Variants in SPAG4 observed in about 807,000 individuals in gnomAD.
The protein encoded by SPAG4 is sperm associated antigen 4.
A neutral mutation model predicts 53.9 loss-of-function variants in SPAG4; 54 were observed. The ratio of observed to expected loss-of-function variants is 1.00; its 90% CI spans 0.80 to 1.26. The LOEUF (loss-of-function observed/expected upper bound fraction) is 1.26, where lower values mean the gene tolerates loss of function less well. Ranked by LOEUF, SPAG4 falls within the 50% of genes most tolerant of loss-of-function variation. The probability of loss-of-function intolerance (pLI) is 0.00; values close to 1 mark genes in which losing one functional copy is unlikely to be tolerated. For missense variants in SPAG4, 548 were observed against 568.6 expected (o/e 0.96, Z 0.37); for synonymous variants, 246 against 237.4 (o/e 1.04, Z -0.33).
chr20:35,619,044 G>A (rs770178616), intron 8 of SPAG4, 46 bp downstream of exon 8: 12 of 1,554,734 alleles, frequency 7.7e-6, no homozygotes, highest in African/African-American at 1.4e-5. Context: ...ACAGGAAAGA[G>A]GCCAAGACAC....
chr20:35,618,181 G>A (rs776272195), intron 5 of SPAG4, 51 bp downstream of exon 5: 1 of 1,565,284 alleles, frequency 6.4e-7, no homozygotes, highest in Non-Finnish European at 8.8e-7. Flanking sequence ...TTGTGAACCC[G>A]GAGATTGTGG....
At chr20:35,619,435 A>T in intron 9 of SPAG4, 125 bp downstream of exon 9, 1 of 1,374,526 alleles carries the variant, frequency 7.3e-7, no homozygotes, top group Non-Finnish European at 1.0e-6. Context: ...ACTCAAGGAG[A>T]GACCTGGCAT....
chr20:35,617,174 G>C lies in SPAG4; in HGVS notation c.343G>C (p.Asp115His). 6.3e-7 allele frequency: 1 copy of C among 1,598,226 alleles called. No homozygotes were observed. The highest frequency in any genetic ancestry group is 8.5e-7 in the Non-Finnish European group (1 of 1,172,310). Residue 115 changes from aspartate to histidine, a missense_variant, in exon 2 of 12, where the codon GAC (aspartate) becomes CAC (histidine). Coordinates refer to ENST00000374273, the MANE Select transcript of SPAG4 (RefSeq NM_003116.3). ...GSPVVSEEPL[D>H]LLPTLDLRQE... ...TCCAGTAGTCTCTGAGGAGCCGCTCGACCTTCTCCCGACCCTGGATCTGAG... is the reference window on the plus strand; with the variant it reads ...TCCAGTAGTCTCTGAGGAGCCGCTCCACCTTCTCCCGACCCTGGATCTGAG...
At chr20:35,616,488 A>G (rs1001093449) in intron 1 of SPAG4, 181 bp downstream of exon 1, 1 of 689,408 alleles carries the variant, frequency 1.5e-6, no homozygotes, top group East Asian at 1.3e-4. Flanking sequence ...CTGGACGGTT[A>G]TGGGAAGGGG....
chr20:35,618,030 C>T, intron 4 of SPAG4, 57 bp from the exon 5 acceptor site: 3 of 1,565,284 alleles, frequency 1.9e-6, no homozygotes, highest in Non-Finnish European at 2.6e-6. Flanking sequence ...TCCCCCTATG[C>T]CGGGGAAACC....
intron 2 of SPAG4, 55 bp from the exon 3 acceptor site, chr20:35,617,465 G>GA: frequency 6.8e-7 from 1 of 1,474,104 alleles, no homozygotes; most frequent in South Asian, 1.2e-5. Context: ...CACGCAGGCT[G>GA]AGCCCCGCCT....
At position 35,618,703 on chromosome 20, in the gene SPAG4, CG is replaced by C. The variant is rs1326400716; in HGVS notation, c.703del (p.Ala235GlnfsTer15). 1 of 1,585,780 alleles carries C rather than the reference CG, an allele frequency of 6.3e-7. No individual in the cohort carries two copies. Among genetic ancestry groups the C allele is most frequent in the Non-Finnish European group, 8.6e-7 (1 of 1,165,546 alleles). On this transcript the variant is annotated frameshift_variant, in exon 7 of 12. Transcript: ENST00000374273. LOFTEE classifies it high-confidence loss of function. ...ACTCCACAAGGAGGTGTCCACTGTT[CG>C]GGCAGCCAACAGCGAGGTGAGCCCC... is the stretch of plus-strand genomic sequence containing the variant. ...DKLHKEVSTV[R>X]AANSERVAKL...
chr20:35,617,484 C>G, intron 2 of SPAG4, 36 bp from the exon 3 acceptor site: 1 of 1,556,812 alleles, frequency 6.4e-7, no homozygotes. Flanking sequence ...CTCTCCCTGC[C>G]GTGGGCCCCT....
chr20:35,617,202 A>G lies in SPAG4; in HGVS notation c.371A>G (p.Gln124Arg). 1.9e-6 allele frequency: 3 copies of G among 1,602,970 alleles called. No homozygotes were observed. The highest frequency in any genetic ancestry group is 1.3e-5 in the African/African-American group (1 of 74,836). ...LDLLPTLDLR[Q>R]EMPPPRVFKS... ...CTTCTCCCGACCCTGGATCTGAGGC[A>G]GGAGATGCCTCCCCCGCGGGTGTTC... The change falls in exon 2 of 12, where the codon CAG (glutamine) becomes CGG (arginine). Residue 124 changes from glutamine to arginine, a missense_variant. Coordinates refer to ENST00000374273, the MANE Select transcript of SPAG4 (RefSeq NM_003116.3).
chr20:35,618,611 G>A lies in SPAG4; in HGVS notation c.609-1G>A, dbSNP rs750409269. 9 of 1,600,306 alleles carry A rather than the reference G, an allele frequency of 5.6e-6. No homozygotes were observed. Among genetic ancestry groups the A allele is most frequent in the Non-Finnish European group, 7.7e-6 (9 of 1,173,490 alleles). On this transcript the variant is annotated splice_acceptor_variant, in intron 6 of 11. Transcript: ENST00000374273. LOFTEE classifies it high-confidence loss of function. The stretch of plus-strand genomic sequence containing the variant: ...CCACGGCGCCCACCTCCCACCTCCA[G>A]TGAGTACCACGAGCGCGTGCGCTCC...
At chr20:35,618,420 G>A (rs1195519539) in intron 5 of SPAG4, 30 bp from the exon 6 acceptor site, 1 of 1,613,774 alleles carries the variant, frequency 6.2e-7, no homozygotes, top group Admixed American at 1.7e-5. Context: ...GGAGCTGAGC[G>A]GCTCTGTGTT....
chr20:35,618,693 G>A lies in SPAG4; in HGVS notation c.690G>A (p.Val230=). 1.3e-6 allele frequency: 2 copies of A among 1,590,064 alleles called. No individual in the cohort carries two copies. The change falls in exon 7 of 12, where the codon GTG becomes GTA. Residue 230 remains valine (V), a synonymous_variant. Transcript: ENST00000374273. ...AGCTGGATAAACTCCACAAGGAGGTGTCCACTGTTCGGGCAGCCAACAGCG... is the reference window on the plus strand; with the variant it reads ...AGCTGGATAAACTCCACAAGGAGGTATCCACTGTTCGGGCAGCCAACAGCG... ...QAELDKLHKE[V]STVRAANSER... is the part of the protein sequence containing the mutation.
rs537190364 is a variant in SPAG4, at chr20:35,617,845, G to A, written c.538+5G>A. On this transcript the variant is annotated splice_donor_5th_base_variant and intron_variant, in intron 4 of 11. Transcript: ENST00000374273. ...TGCTGAGCCTCTTTCTGTCAGGTGA[G>A]GGGCAGTGAATTCCCTGGAGCCCCT... 1.2e-6 allele frequency: 2 copies of A among 1,613,944 alleles called. No homozygotes were observed. The highest frequency in any genetic ancestry group is 1.7e-5 in the Admixed American group (1 of 60,010).
rs139397725 is a variant in SPAG4, at chr20:35,617,159, T to C, written c.328T>C (p.Ser110Pro). ...ASEPTGSPVV[S>P]EEPLDLLPTL... ...AGAACCGACTGGGTCTCCAGTAGTCTCTGAGGAGCCGCTCGACCTTCTCCC... is the reference window on the plus strand; with the variant it reads ...AGAACCGACTGGGTCTCCAGTAGTCCCTGAGGAGCCGCTCGACCTTCTCCC... The change falls in exon 2 of 12, where the codon TCT becomes CCT. Residue 110 changes from serine to proline, a missense_variant. Transcript: ENST00000374273. The C allele has an allele frequency of 2.3e-4, 363 of 1,591,926 alleles. 1 individual carries two copies. In the African/African-American group the frequency reaches 4.2e-3, roughly 18 times the overall value.
intron 10 of SPAG4, among the ~76,000 whole-genome samples, chr20:35,620,171 A>G (rs1406249164): frequency 6.6e-6 from 1 of 152,104 alleles, no homozygotes; most frequent in South Asian, 2.1e-4. Context: ...GGGTTTCACC[A>G]TGTTGGCCAG....
chr20:35,619,243 A>AC lies in SPAG4; in HGVS notation c.843dup (p.Thr282HisfsTer34), dbSNP rs774528361. ...ACATCCCACGATTACGCAGACAGGA[A>AC]CACTGCCTACTTCTGGAATCGCTTC... is the stretch of plus-strand genomic sequence containing the variant. On this transcript the variant is annotated frameshift_variant, in exon 9 of 12. Coordinates refer to ENST00000374273, the MANE Select transcript of SPAG4 (RefSeq NM_003116.3). LOFTEE classifies it high-confidence loss of function. The AC allele has an allele frequency of 1.9e-6, 3 of 1,613,926 alleles. No individual in the cohort carries two copies.
rs748184981 is a variant in SPAG4, at chr20:35,617,223, T to C, written c.392T>C (p.Val131Ala). 2 of 1,598,338 alleles carry C rather than the reference T, an allele frequency of 1.3e-6. No homozygotes were observed. The highest frequency in any genetic ancestry group is 2.3e-5 in the East Asian group (1 of 44,150). The change falls in exon 2 of 12, where the codon GTG (valine) becomes GCG (alanine). Residue 131 changes from valine to alanine, a missense_variant. Val to Ala is a moderately conservative substitution (Grantham distance 64). Transcript: ENST00000374273. ...AGGCAGGAGATGCCTCCCCCGCGGGTGTTCAAGAGCTTTCTGAGTACGGGC... is the reference window on the plus strand; with the variant it reads ...AGGCAGGAGATGCCTCCCCCGCGGGCGTTCAAGAGCTTTCTGAGTACGGGC... ...DLRQEMPPPR[V>A]FKSFLSLLFQ...
chr20:35,619,840 C>A, intron 10 of SPAG4, 94 bp downstream of exon 10: 1 of 1,305,724 alleles, frequency 7.7e-7, no homozygotes, highest in Non-Finnish European at 1.0e-6. Flanking sequence ...TTCGCTTGCT[C>A]ATCTATAAAA....
At position 35,617,578 on chromosome 20, in the gene SPAG4, C is replaced by T; in HGVS notation, c.468C>T (p.Ser156=). Residue 156 remains serine, a synonymous_variant, in exon 3 of 12, where the codon AGC becomes AGT. Coordinates refer to ENST00000374273, the MANE Select transcript of SPAG4 (RefSeq NM_003116.3). ...LLSLAGDVLV[S]MYREVCSIRF... is the part of the protein sequence containing the mutation. ...CCCTGGCAGGAGACGTGCTGGTCAGCATGTACAGGTCAGAGGAAGGGACGC... is the reference window on the plus strand; with the variant it reads ...CCCTGGCAGGAGACGTGCTGGTCAGTATGTACAGGTCAGAGGAAGGGACGC... 1 of 1,607,408 alleles carries T rather than the reference C, an allele frequency of 6.2e-7. No individual in the cohort carries two copies. Among genetic ancestry groups the T allele is most frequent in the Non-Finnish European group, 8.5e-7 (1 of 1,176,730 alleles).
Sources: gnomAD v4.1 joint callset for allele counts (sites outside exome capture counted in the v4.1 genomes callset) on GRCh38, gnomAD v4.1.1 for gene constraint, MANE v1.5 for transcripts, NCBI Gene and HGNC (gene_info 2026-07-23, HGNC 2026-07-21) for gene names.